The following SLC3A1 variants were observed in gnomAD, a reference collection of about 807,000 sequenced individuals.
SLC3A1 encodes solute carrier family 3 member 1.
Under a neutral mutation model 60.3 loss-of-function variants are expected in SLC3A1, and 78 were observed. The observed-to-expected ratio is 1.29, with a 90% confidence interval of 1.08 to 1.56. The LOEUF is 1.56. Ranked by LOEUF, SLC3A1 falls within the 40% of genes most tolerant of loss-of-function variation. The pLI is 0.00. For missense variants in SLC3A1, 1,172 were observed against 858.9 expected (o/e 1.36, Z -4.56); for synonymous variants, 392 against 307.9 (o/e 1.27, Z -2.86).
intron 6 of SLC3A1, chr2:44,303,793 G>C: frequency 4.6e-6 from 2 of 432,596 alleles, no homozygotes; most frequent in Admixed American, 7.1e-5. Flanking sequence ...ATGTGTTCTC[G>C]TTATTCAACT....
chr2:44,285,930 G>T (rs1219493273), intron 3 of SLC3A1, 102 bp from the exon 4 acceptor site: 2 of 1,457,468 alleles, frequency 1.4e-6, no homozygotes, highest in African/African-American at 2.8e-5. Context: ...AAACTCTCAG[G>T]ATTTACATAC....
chr2:44,322,012 G>C (rs1017743209), downstream of SLC3A1: 25 of 1,133,546 alleles, frequency 2.2e-5, no homozygotes, highest in Non-Finnish European at 3.0e-5. Flanking sequence ...AATAGTAAAG[G>C]AATAAAAAGC....
In SLC3A1 at chr2:44,320,537, G is replaced by A. The variant is rs780821343; in HGVS notation, c.1956G>A (p.Thr652=). The A allele has an allele frequency of 7.4e-6, 12 of 1,613,932 alleles. No individual in the cohort carries two copies. Among genetic ancestry groups the A allele is most frequent in the East Asian group, 6.7e-5 (3 of 44,890 alleles). Residue 652 remains threonine (T), a synonymous_variant, in exon 10 of 10, where the codon ACG becomes ACA. Transcript: ENST00000260649. ...AGGGACTCATCTTTGAACACAACAC[G>A]AAGAATCTCCTTCATCGCCAAACAG... ...KGEGLIFEHN[T]KNLLHRQTAF...
intron 4 of SLC3A1, among the ~76,000 whole-genome samples, chr2:44,295,671 C>G (rs1671831932): frequency 6.6e-6 from 1 of 152,152 alleles, no homozygotes; most frequent in African/African-American, 2.4e-5. Flanking sequence ...CTGTGCGGTA[C>G]AAGTTTCTCA....
chr2:44,300,966 T>C, intron 5 of SLC3A1, 37 bp from the exon 6 acceptor site: 1 of 1,612,852 alleles, frequency 6.2e-7, no homozygotes, highest in Non-Finnish European at 8.5e-7. Context: ...ATGCAATGTA[T>C]GAAATGAGGG....
chr2:44,275,959 C>A lies in SLC3A1; in HGVS notation c.424C>A (p.Leu142Met), dbSNP rs1410048401. The change falls in exon 1 of 10, where the codon CTG becomes ATG. Residue 142 changes from leucine (L) to methionine (M), a missense_variant. Leu to Met is a conservative substitution (Grantham distance 15). Transcript: ENST00000260649. ...CAGTAACAAGGATGGGAACGGAGAT[C>A]TGAAAGGTACATGCCCAGAGATCAT... is the stretch of plus-strand genomic sequence containing the variant. Reference protein sequence around the residue: ...KDSNKDGNGDLKGIQDKLDYI... With the variant: ...KDSNKDGNGDMKGIQDKLDYI... 6.2e-7 allele frequency: 1 copy of A among 1,613,872 alleles called. No individual in the cohort carries two copies. Among genetic ancestry groups the A allele is most frequent in the Non-Finnish European group, 8.5e-7 (1 of 1,179,854 alleles).
intron 5 of SLC3A1, among the ~76,000 whole-genome samples, 179 bp downstream of exon 5, chr2:44,300,269 T>C (rs1488597076): frequency 1.3e-5 from 2 of 152,200 alleles, no homozygotes; most frequent in African/African-American, 2.4e-5. Flanking sequence ...ACTCGATGTT[T>C]TTTTCCACTG....
intron 7 of SLC3A1, among the ~76,000 whole-genome samples, chr2:44,310,013 C>T (rs1425040487): frequency 6.6e-6 from 1 of 152,056 alleles, no homozygotes; most frequent in Admixed American, 6.5e-5. Context: ...TGCATTAGCT[C>T]CCACAAAGTA....
At chr2:44,287,890 A>G (rs748325406) in intron 4 of SLC3A1, among the ~76,000 whole-genome samples, 2 of 152,210 alleles carry the variant, frequency 1.3e-5, no homozygotes, top group African/African-American at 2.4e-5. Flanking sequence ...AGGGGCACCT[A>G]GAACCCTTGG....
intron 9 of SLC3A1, among the ~76,000 whole-genome samples, chr2:44,315,856 C>T (rs139628920): frequency 6.4e-4 from 98 of 152,130 alleles, no homozygotes; most frequent in Non-Finnish European, 1.0e-3. Flanking sequence ...AAGCCTGAAG[C>T]TTCTACAAGT....
At position 44,307,759 on chromosome 2, in the gene SLC3A1, T is replaced by C. The variant is rs1014981223; in HGVS notation, c.1332+3421T>C. On this transcript the variant is annotated intron_variant, in intron 7 of 9. Transcript: ENST00000260649. ...TACTGGATAGGTGATTTGCAAGTAT[T>C]TTCTCCCATTCTGTGGGCTTTCATG... Among the ~76,000 whole-genome samples, 4 of 152,274 alleles carry C rather than the reference T, an allele frequency of 2.6e-5. 1 individual carries two copies. Among genetic ancestry groups the C allele is most frequent in the African/African-American group, 9.6e-5 (4 of 41,546 alleles).
intron 4 of SLC3A1, among the ~76,000 whole-genome samples, chr2:44,293,303 G>A (rs944947599): frequency 1.3e-5 from 2 of 152,096 alleles, no homozygotes; most frequent in Non-Finnish European, 2.9e-5. Flanking sequence ...TGGATCACAT[G>A]GTCAGGAGTT....
chr2:44,316,803 CAG>C (rs1263307653), intron 9 of SLC3A1, among the ~76,000 whole-genome samples: 1 of 152,140 alleles, frequency 6.6e-6, no homozygotes, highest in African/African-American at 2.4e-5. Context: ...AAGAGCAAAA[CAG>C]AGATGGAAAA....
chr2:44,321,357 C>G lies in SLC3A1; in HGVS notation c.*718C>G, dbSNP rs1672922516. ...CAATTCCCAGTTGAATGCAGTGTTT[C>G]AGAATTTCAGGTATTTCTTAAGATC... On this transcript the variant is annotated 3_prime_UTR_variant, in exon 10 of 10. Transcript: ENST00000260649. 6.2e-7 allele frequency: 1 copy of G among 1,600,386 alleles called. No homozygotes were observed. Among genetic ancestry groups the G allele is most frequent in the Non-Finnish European group, 8.6e-7 (1 of 1,168,394 alleles).
Position 44,312,719 on chromosome 2 carries a change from T to C in SLC3A1, c.1466T>C (p.Ile489Thr), listed in dbSNP as rs868593254. 3.7e-6 allele frequency: 6 copies of C among 1,613,430 alleles called. No homozygotes were observed. Among genetic ancestry groups the C allele is most frequent in the African/African-American group, 2.7e-5 (2 of 74,914 alleles). The change falls in exon 8 of 10, where the codon ATT becomes ACT. Residue 489 changes from isoleucine (I) to threonine (T), a missense_variant. Transcript: ENST00000260649. The part of the protein sequence containing the change: ...YYGEEIGMGN[I>T]VAANLNESYD... The stretch of plus-strand genomic sequence containing the variant: ...GGAGAAGAAATTGGAATGGGAAATA[T>C]TGTAGCCGCAAATCTCAATGAAAGC...
At chr2:44,300,925 T>A in intron 5 of SLC3A1, 78 bp from the exon 6 acceptor site, 1 of 1,574,252 alleles carries the variant, frequency 6.4e-7, no homozygotes. Flanking sequence ...TTGAAGAGGT[T>A]GTCTACATTC....
At chr2:44,304,409 C>A in intron 7 of SLC3A1, 71 bp downstream of exon 7, 1 of 1,189,152 alleles carries the variant, frequency 8.4e-7, no homozygotes, top group Non-Finnish European at 1.2e-6. Context: ...CTCTAAAATG[C>A]AATGGACCTT....
chr2:44,297,919 A>G (rs1192537921), intron 4 of SLC3A1, among the ~76,000 whole-genome samples: 1 of 152,164 alleles, frequency 6.6e-6, no homozygotes, highest in Non-Finnish European at 1.5e-5. Flanking sequence ...TTCAAGGTTC[A>G]TCCATGTCGT....
chr2:44,307,882 A>G (rs1415904066), intron 7 of SLC3A1, among the ~76,000 whole-genome samples: 2 of 152,112 alleles, frequency 1.3e-5, no homozygotes, highest in African/African-American at 2.4e-5. Context: ...TTTTAGTGTT[A>G]TATTAGAAAC....
Sources: gnomAD v4.1 joint callset for allele counts (sites outside exome capture counted in the v4.1 genomes callset) on GRCh38, gnomAD v4.1.1 for gene constraint, MANE v1.5 for transcripts, NCBI Gene and HGNC (gene_info 2026-07-23, HGNC 2026-07-21) for gene names.